Variants in BTRC observed in about 807,000 individuals in gnomAD.
BTRC encodes beta-transducin repeat containing E3 ubiquitin protein ligase.
BTRC carries 42 observed loss-of-function variants against 85.5 expected under a neutral mutation model. The ratio of observed to expected loss-of-function variants is 0.49; its 90% CI spans 0.38 to 0.64. The LOEUF (loss-of-function observed/expected upper bound fraction) is 0.64. BTRC is among the 30% of genes least tolerant of loss of function. BTRC has a pLI of 0.00. For synonymous variants in BTRC, 255 were observed against 263.3 expected, an observed-to-expected ratio of 0.97 and a Z score of 0.30; for missense variants, 594 against 743.5, an observed-to-expected ratio of 0.80 and a Z score of 2.34.
chr10:101,505,614 C>T (rs546266358), intron 4 of BTRC, among the ~76,000 whole-genome samples: 98 of 144,036 alleles, frequency 6.8e-4, no homozygotes, highest in South Asian at 2.9e-3. Context: ...AGCGAGACTC[C>T]GTCTCAAAAA....
At chr10:101,509,465 G>A (rs1383477531) in intron 4 of BTRC, among the ~76,000 whole-genome samples, 10 of 148,228 alleles carry the variant, frequency 6.7e-5, no homozygotes, top group African/African-American at 1.5e-4. Context: ...CGTTTTAGCC[G>A]GGATGGTCTC....
intron 4 of BTRC, among the ~76,000 whole-genome samples, chr10:101,517,534 G>A (rs966652336): frequency 2.0e-5 from 3 of 152,220 alleles, no homozygotes; most frequent in African/African-American, 7.2e-5. Context: ...GTATGTCTGA[G>A]CAGGGATGAA....
At chr10:101,532,694 A>G (rs550102581) in intron 8 of BTRC, among the ~76,000 whole-genome samples, 1 of 152,016 alleles carries the variant, frequency 6.6e-6, no homozygotes, top group East Asian at 1.9e-4. Context: ...ACATAATTAT[A>G]GACTACCCTG....
intron 1 of BTRC, among the ~76,000 whole-genome samples, chr10:101,368,464 CTTTTTTTTTTTTTTTTTTTT>C (rs60190021): frequency 1.3e-5 from 1 of 75,344 alleles, no homozygotes; most frequent in Admixed American, 1.7e-4. Flanking sequence ...AACTGTTTTT[CTTTTTTTTTTTTTTTTTTTT>C]TTTTTTTTTT....
intron 4 of BTRC, among the ~76,000 whole-genome samples, chr10:101,488,144 T>C (rs1946038585): frequency 6.6e-6 from 1 of 152,194 alleles, no homozygotes; most frequent in Admixed American, 6.5e-5. Flanking sequence ...GCCTCCTCTC[T>C]CCTCATCACT....
At chr10:101,439,107 C>A (rs555381490) in intron 2 of BTRC, among the ~76,000 whole-genome samples, 9 of 152,166 alleles carry the variant, frequency 5.9e-5, no homozygotes, top group Non-Finnish European at 1.3e-4. Flanking sequence ...ATTGACAAGT[C>A]AGAAATGCAT....
intron 1 of BTRC, among the ~76,000 whole-genome samples, chr10:101,409,089 T>G (rs1366213255): frequency 6.6e-6 from 1 of 152,108 alleles, no homozygotes; most frequent in Non-Finnish European, 1.5e-5. Flanking sequence ...CACAAAACAT[T>G]GAGGTAAAGT....
At chr10:101,550,457 G>C (rs1038928023) in intron 13 of BTRC, among the ~76,000 whole-genome samples, 1 of 151,788 alleles carries the variant, frequency 6.6e-6, no homozygotes, top group Non-Finnish European at 1.5e-5. Context: ...CTAACTTTTT[G>C]TATTTTTATA....
intron 4 of BTRC, among the ~76,000 whole-genome samples, chr10:101,500,849 TG>T (rs1220846199): frequency 6.6e-6 from 1 of 152,220 alleles, no homozygotes; most frequent in African/African-American, 2.4e-5. Flanking sequence ...GACCTATTCT[TG>T]GGGTTATAGA....
intron 1 of BTRC, among the ~76,000 whole-genome samples, chr10:101,366,886 A>G (rs1942422852): frequency 3.8e-5 from 1 of 26,422 alleles, no homozygotes; most frequent in Non-Finnish European, 8.5e-5. Flanking sequence ...ATTTATATAT[A>G]TTTATATATA....
chr10:101,420,965 A>T (rs376752452), intron 1 of BTRC, among the ~76,000 whole-genome samples: 4 of 150,540 alleles, frequency 2.7e-5, no homozygotes, highest in Non-Finnish European at 5.9e-5. Flanking sequence ...CTACAGGTTT[A>T]TACTCATATT....
At chr10:101,440,772 T>C (rs1297114834) in intron 2 of BTRC, among the ~76,000 whole-genome samples, 4 of 151,976 alleles carry the variant, frequency 2.6e-5, no homozygotes, top group Non-Finnish European at 5.9e-5. Flanking sequence ...CCTCTGAAAA[T>C]GTGAAAGGCA....
At chr10:101,474,690 C>T (rs181379237) in intron 3 of BTRC, among the ~76,000 whole-genome samples, 1 of 152,324 alleles carries the variant, frequency 6.6e-6, no homozygotes, top group East Asian at 1.9e-4. Context: ...ATATCTCAAG[C>T]CAATAGACTG....
At chr10:101,520,295 T>G (rs2134363626) in intron 4 of BTRC, among the ~76,000 whole-genome samples, 1 of 152,042 alleles carries the variant, frequency 6.6e-6, no homozygotes, top group Non-Finnish European at 1.5e-5. Flanking sequence ...AGGTGTGTTC[T>G]CCTCACCTTT....
At chr10:101,403,692 G>C (rs187999125) in intron 1 of BTRC, among the ~76,000 whole-genome samples, 41 of 152,088 alleles carry the variant, frequency 2.7e-4, no homozygotes, top group African/African-American at 8.7e-4. Context: ...TCAGGCTCAA[G>C]AGATCTTCCC....
chr10:101,532,491 G>T, intron 8 of BTRC, 59 bp downstream of exon 8: 1 of 1,516,440 alleles, frequency 6.6e-7, no homozygotes. Context: ...CACATTCATA[G>T]CGCAGTCTAA....
Position 101,556,413 on chromosome 10 carries a change from CTAGATACCTTGG to C in BTRC, c.*3293_*3304del, listed in dbSNP as rs1322613308. 1 of 152,196 alleles carries C rather than the reference CTAGATACCTTGG, an allele frequency of 6.6e-6. No individual in the cohort carries two copies. Among genetic ancestry groups the C allele is most frequent in the Non-Finnish European group, 1.5e-5 (1 of 68,056 alleles). 9.4% of individuals were successfully genotyped at this position (152,196 alleles called of 1,614,324 possible). A position where few individuals can be genotyped will look rare whatever the true frequency, so the allele number is the denominator to read the frequency against. On this transcript the variant is annotated 3_prime_UTR_variant, in exon 15 of 15. Transcript: ENST00000370187. ...AATTTTTTTCTTTCCCATAATTGGA[CTAGATACCTTGG>C]TACTGTTGACCTTCTCAGCATCTCC...
chr10:101,354,758 C>T (rs1384489444), intron 1 of BTRC: 2 of 156,140 alleles, frequency 1.3e-5, no homozygotes, highest in Non-Finnish European at 2.8e-5. Context: ...TGGTGAGAGG[C>T]TTATAGTTTT....
At chr10:101,511,610 G>A (rs2061955764) in intron 4 of BTRC, among the ~76,000 whole-genome samples, 2 of 152,138 alleles carry the variant, frequency 1.3e-5, no homozygotes, top group African/African-American at 4.8e-5. Flanking sequence ...AGACTGGAGT[G>A]CAGTGGGCAA....
Sources: allele counts gnomAD v4.1 joint callset (sites outside exome capture counted in the v4.1 genomes callset), GRCh38; gene constraint gnomAD v4.1.1; transcripts MANE v1.5; gene names NCBI Gene and HGNC (gene_info 2026-07-23, HGNC 2026-07-21).